Variants in GALNT16 observed in about 807,000 individuals in gnomAD.
GALNT16 encodes the protein polypeptide N-acetylgalactosaminyltransferase 16.
GALNT16 carries 40 observed loss-of-function variants against 76.1 expected under a neutral mutation model. The ratio of observed to expected loss-of-function variants is 0.53; its 90% CI spans 0.41 to 0.68. The LOEUF (loss-of-function observed/expected upper bound fraction) is 0.68, where lower values mean the gene tolerates loss of function less well. Among genes scored for constraint, GALNT16 ranks in the 30% least tolerant of loss-of-function variants. GALNT16 has a pLI of 0.00. For synonymous variants in GALNT16, 276 were observed against 285.2 expected (o/e 0.97, Z 0.32); for missense variants, 621 against 731.9 (o/e 0.85, Z 1.75).
rs1464108038 is a variant in GALNT16, at chr14:69,333,430, G to C, written c.864-67G>C. ...TAGAGGCAGACGGTCTTGGGTCCTG[G>C]GGCCATCTAAAGGGCCTCCTTGCTT... On this transcript the variant is annotated intron_variant, in intron 8 of 14. Transcript: ENST00000448469. This position sits in a 1 kb window ranked among gnomAD's most constrained non-coding sequence, Gnocchi z 4.2. 2.1e-6 allele frequency: 2 copies of C among 956,206 alleles called. No individual in the cohort carries two copies. Among genetic ancestry groups the C allele is most frequent in the Non-Finnish European group, 3.4e-6 (2 of 586,268 alleles). 59.2% of individuals were successfully genotyped at this position (956,206 alleles called of 1,614,324 possible).
At chr14:69,294,112 A>T (rs886104360) in intron 1 of GALNT16, among the ~76,000 whole-genome samples, 4 of 150,356 alleles carry the variant, frequency 2.7e-5, no homozygotes, top group Non-Finnish European at 5.9e-5. Flanking sequence ...ATGGTCTTGA[A>T]CTCCTGACCT....
chr14:69,270,777 G>C (rs1242018086), intron 1 of GALNT16, among the ~76,000 whole-genome samples: 2 of 152,212 alleles, frequency 1.3e-5, no homozygotes, highest in East Asian at 3.8e-4. Flanking sequence ...GAGATGCGGG[G>C]CATGTGGCAG....
chr14:69,380,508 A>AC, the GALNT16 span: 42 of 743,018 alleles, frequency 5.7e-5, no homozygotes, highest in Middle Eastern at 3.3e-4. Flanking sequence ...TTCCAAGCCC[A>AC]CCCCAACCCC....
chr14:69,314,887 A>G (rs985003351), intron 1 of GALNT16, among the ~76,000 whole-genome samples: 6 of 152,240 alleles, frequency 3.9e-5, no homozygotes, highest in African/African-American at 1.4e-4. Flanking sequence ...TTGCAGTTTC[A>G]TTGAAATTTA....
At chr14:69,310,570 G>A (rs754689916) in intron 1 of GALNT16, among the ~76,000 whole-genome samples, 9 of 152,134 alleles carry the variant, frequency 5.9e-5, no homozygotes, top group Admixed American at 1.3e-4. Context: ...ATGAAACTGT[G>A]TTGTTTTTAC....
At chr14:69,280,200 T>A (rs1408101891) in intron 1 of GALNT16, among the ~76,000 whole-genome samples, 4 of 152,068 alleles carry the variant, frequency 2.6e-5, no homozygotes, top group African/African-American at 9.7e-5. Flanking sequence ...ACTCCCCATT[T>A]CCCCTCTCCC....
chr14:69,373,197 G>A, the GALNT16 span, among the ~76,000 whole-genome samples: 2 of 152,168 alleles, frequency 1.3e-5, no homozygotes, highest in African/African-American at 4.8e-5. Context: ...CAAGCCCAAG[G>A]GTCCTGTAAC....
At chr14:69,385,558 T>C in the GALNT16 span, among the ~76,000 whole-genome samples, 1 of 151,818 alleles carries the variant, frequency 6.6e-6, no homozygotes, top group Non-Finnish European at 1.5e-5. Flanking sequence ...AAACTTACCA[T>C]TACTTTTCCC....
At chr14:69,345,217 C>T (rs959656558) in intron 12 of GALNT16, among the ~76,000 whole-genome samples, 2 of 152,210 alleles carry the variant, frequency 1.3e-5, no homozygotes, top group Non-Finnish European at 2.9e-5. Flanking sequence ...ACAACCACCA[C>T]GCTATGCAGG....
In GALNT16 at chr14:69,347,052, G is replaced by A. The variant is rs200334469; in HGVS notation, c.1284G>A (p.Lys428=). The A allele has an allele frequency of 6.1e-4, 986 of 1,614,130 alleles. 19 individuals are homozygous for A. In the South Asian group the frequency reaches 0.01, roughly 16 times the overall value. The change falls in exon 13 of 15, where the codon AAG becomes AAA. Residue 428 remains lysine, a synonymous_variant. Coordinates refer to ENST00000448469, the MANE Select transcript of GALNT16 (RefSeq NM_001168368.2). ...NVYPELTVPV[K]EALPGIIKQG... ...CCTTTTCTCTCAGGGTCCCCGTGAA[G>A]GAAGCACTCCCCGGCATCATTAAGC...
chr14:69,270,529 G>A (rs558270878), intron 1 of GALNT16, among the ~76,000 whole-genome samples: 6 of 152,338 alleles, frequency 3.9e-5, no homozygotes, highest in African/African-American at 1.4e-4. Flanking sequence ...AGCTCTGCCT[G>A]TAGCTTCTTT....
chr14:69,343,936 G>A (rs188912341), intron 12 of GALNT16, among the ~76,000 whole-genome samples: 72 of 152,342 alleles, frequency 4.7e-4, no homozygotes, highest in African/African-American at 1.7e-3. Flanking sequence ...CTGTGTGAAA[G>A]TTAAAATAAT....
chr14:69,356,081 G>C (rs1199732874), downstream of GALNT16: 2 of 152,240 alleles, frequency 1.3e-5, no homozygotes, highest in African/African-American at 4.8e-5. Context: ...CCCTGTGATG[G>C]TCTGAGTCAG....
At position 69,261,486 on chromosome 14, in the gene GALNT16, C is replaced by T. The variant is rs573317840; in HGVS notation, c.177+1019C>T. Among the ~76,000 whole-genome samples, 958 of 152,060 alleles carry T rather than the reference C, an allele frequency of 6.3e-3. 15 individuals are homozygous for T. Among genetic ancestry groups the T allele is most frequent in the African/African-American group, 0.022 (920 of 41,480 alleles). Reference sequence around the variant, plus strand: ...CTCGGGAACTACCAGGGCGGGGCAGCCTGGCCGGATGAGGACCAGGAAGAG... The same window carrying T: ...CTCGGGAACTACCAGGGCGGGGCAGTCTGGCCGGATGAGGACCAGGAAGAG... On this transcript the variant is annotated intron_variant, in intron 1 of 14. Transcript: ENST00000448469. The surrounding 1 kb of genome is among the most constrained non-coding windows in gnomAD (Gnocchi z 6.4).
chr14:69,370,355 A>G, the GALNT16 span, among the ~76,000 whole-genome samples: 2 of 152,174 alleles, frequency 1.3e-5, no homozygotes, highest in Non-Finnish European at 2.9e-5. Flanking sequence ...TCTTCTGCTC[A>G]GGCTGAGGGG....
At chr14:69,368,845 G>A in the GALNT16 span, among the ~76,000 whole-genome samples, 3 of 152,190 alleles carry the variant, frequency 2.0e-5, no homozygotes, top group African/African-American at 4.8e-5. Flanking sequence ...AAGACAATGG[G>A]CATCCCTGTG....
At chr14:69,338,532 G>A (rs926664285) in intron 9 of GALNT16, 119 bp from the exon 10 acceptor site, 7 of 1,419,994 alleles carry the variant, frequency 4.9e-6, no homozygotes, top group Non-Finnish European at 6.7e-6. Flanking sequence ...GCAGGCCCAG[G>A]AGCCCCGACC....
At chr14:69,339,655 AC>A in intron 11 of GALNT16, 36 bp downstream of exon 11, 1 of 1,305,880 alleles carries the variant, frequency 7.7e-7, no homozygotes, top group Non-Finnish European at 1.1e-6. Context: ...GACTCCCTCT[AC>A]CCACATTAGC....
intron 1 of GALNT16, among the ~76,000 whole-genome samples, chr14:69,292,712 A>C (rs1297540857): frequency 6.6e-6 from 1 of 152,246 alleles, no homozygotes; most frequent in Non-Finnish European, 1.5e-5. Flanking sequence ...AGATCTACTT[A>C]AAGCACCTCA....
Sources: gnomAD v4.1 joint callset for allele counts (sites outside exome capture counted in the v4.1 genomes callset) on GRCh38, gnomAD v4.1.1 for gene constraint, Gnocchi (gnomAD v3.1) non-coding constraint, MANE v1.5 for transcripts, NCBI Gene and HGNC (gene_info 2026-07-23, HGNC 2026-07-21) for gene names.